PRKCZ: variants seen among roughly 807,000 people sequenced by gnomAD.
PRKCZ encodes the protein protein kinase C zeta type.
In PRKCZ, 33 loss-of-function variants were observed where a neutral mutation model predicts 79.5. The observed-to-expected ratio is 0.41, with a 90% confidence interval of 0.31 to 0.55. PRKCZ has a LOEUF of 0.55. PRKCZ is among the 20% of genes least tolerant of loss of function. The probability of loss-of-function intolerance (pLI) is 0.19; values close to 1 mark genes in which losing one functional copy is unlikely to be tolerated. For synonymous variants in PRKCZ, 342 were observed against 320.9 expected (o/e 1.07, Z -0.70); for missense variants, 578 against 813.5 (o/e 0.71, Z 3.52).
At chr1:2,067,010 C>T (rs1661175227) in intron 4 of PRKCZ, among the ~76,000 whole-genome samples, 1 of 152,150 alleles carries the variant, frequency 6.6e-6, no homozygotes, top group Non-Finnish European at 1.5e-5. Flanking sequence ...TTCTGATTTT[C>T]TTTGTGGTTT....
intron 4 of PRKCZ, among the ~76,000 whole-genome samples, chr1:2,103,019 A>G (rs1397075136): frequency 1.3e-5 from 2 of 152,224 alleles, no homozygotes; most frequent in Admixed American, 1.3e-4. Flanking sequence ...TCAGGCGCGC[A>G]CCACCACGCT....
At chr1:2,137,190 G>A (rs2103045517) in intron 5 of PRKCZ, among the ~76,000 whole-genome samples, 1 of 152,266 alleles carries the variant, frequency 6.6e-6, no homozygotes, top group South Asian at 2.1e-4. Context: ...ATGTCCCAGG[G>A]TAGGACGAGT....
At chr1:2,164,514 G>A (rs1682951001) in intron 10 of PRKCZ, among the ~76,000 whole-genome samples, 1 of 152,166 alleles carries the variant, frequency 6.6e-6, no homozygotes, top group Non-Finnish European at 1.5e-5. Flanking sequence ...GTGTCTGGAT[G>A]GGCCAGCTCG....
At chr1:2,119,703 GAC>G (rs1319827364) in intron 4 of PRKCZ, among the ~76,000 whole-genome samples, 1 of 152,136 alleles carries the variant, frequency 6.6e-6, no homozygotes, top group Non-Finnish European at 1.5e-5. Flanking sequence ...CTTACATGGA[GAC>G]CAGCTTCCTT....
chr1:2,110,882 C>T (rs1669608903), intron 4 of PRKCZ, among the ~76,000 whole-genome samples: 1 of 152,032 alleles, frequency 6.6e-6, no homozygotes, highest in Non-Finnish European at 1.5e-5. Context: ...CAGGGTGGGG[C>T]TGGTGGACGG....
intron 4 of PRKCZ, among the ~76,000 whole-genome samples, chr1:2,085,736 C>A (rs1173445815): frequency 7.0e-6 from 1 of 143,800 alleles, no homozygotes; most frequent in African/African-American, 2.6e-5. Context: ...CGTGAGGCAC[C>A]GTGCTGGAGG....
chr1:2,054,138 G>A (rs1367800448), intron 1 of PRKCZ, among the ~76,000 whole-genome samples: 1 of 152,186 alleles, frequency 6.6e-6, no homozygotes, highest in Non-Finnish European at 1.5e-5. Flanking sequence ...CTTGAAACTT[G>A]TCTGATGAAT....
intron 5 of PRKCZ, among the ~76,000 whole-genome samples, chr1:2,139,507 T>C (rs1207228179): frequency 1.3e-5 from 2 of 152,054 alleles, no homozygotes; most frequent in Non-Finnish European, 2.9e-5. Context: ...GAGAATTGCT[T>C]GAACCCGGGA....
At position 2,143,951 on chromosome 1, in the gene PRKCZ, C is replaced by T. The variant is rs551132886; in HGVS notation, c.421-259C>T. 17 of 436,150 alleles carry T rather than the reference C, an allele frequency of 3.9e-5. No individual in the cohort carries two copies. In the South Asian group the frequency reaches 5.2e-4, roughly 13 times the overall value. 27.0% of individuals were successfully genotyped at this position (436,150 alleles called of 1,614,324 possible). A position where few individuals can be genotyped will look rare whatever the true frequency, so the allele number is the denominator to read the frequency against. Reference sequence around the variant, plus strand: ...ACCTCGTCACCCCTGCCCGATGGCACCTCCCCTGTGTCCCCTCATGCAGAG... The same window carrying T: ...ACCTCGTCACCCCTGCCCGATGGCATCTCCCCTGTGTCCCCTCATGCAGAG... On this transcript the variant is annotated intron_variant, in intron 5 of 17. Coordinates refer to ENST00000378567, the MANE Select transcript of PRKCZ (RefSeq NM_002744.6).
At chr1:2,129,264 G>A (rs537337006) in intron 4 of PRKCZ, among the ~76,000 whole-genome samples, 2 of 152,310 alleles carry the variant, frequency 1.3e-5, no homozygotes, top group South Asian at 4.1e-4. Context: ...TTCAAGGCAG[G>A]TGCTCCTTTG....
chr1:2,157,714 T>TG (rs1268534887), intron 10 of PRKCZ, among the ~76,000 whole-genome samples: 3 of 144,120 alleles, frequency 2.1e-5, no homozygotes, highest in East Asian at 4.0e-4. Flanking sequence ...CCTCCAGAGT[T>TG]TTTTTTTTTT....
intron 5 of PRKCZ, among the ~76,000 whole-genome samples, chr1:2,136,921 G>T (rs1392959533): frequency 6.6e-6 from 1 of 152,180 alleles, no homozygotes. Context: ...TTCTCCAGAG[G>T]GATGGTACCA....
chr1:2,172,225 G>A lies in PRKCZ; in HGVS notation c.1197+35G>A, dbSNP rs754868471. 18 of 1,613,330 alleles carry A rather than the reference G, an allele frequency of 1.1e-5. No individual in the cohort carries two copies. The East Asian group carries it at 1.8e-4, about 16-fold the overall frequency. On this transcript the variant is annotated intron_variant, in intron 12 of 17. Coordinates refer to ENST00000378567, the MANE Select transcript of PRKCZ (RefSeq NM_002744.6). This position sits in a 1 kb window ranked among gnomAD's most constrained non-coding sequence, Gnocchi z 7.8. ...TTGGACCGCCTCCCCTGACCATCCC[G>A]CATGTGCGTCTCGGGGCGCCTGTCC...
intron 5 of PRKCZ, 89 bp downstream of exon 5, chr1:2,135,436 GC>G: frequency 7.9e-7 from 1 of 1,258,230 alleles, no homozygotes; most frequent in Non-Finnish European, 1.1e-6. Context: ...GTCCCGCTGA[GC>G]CCAGGCTGGG....
chr1:2,144,165 G>GCC, intron 5 of PRKCZ, 45 bp from the exon 6 acceptor site: 1 of 1,543,600 alleles, frequency 6.5e-7, no homozygotes, highest in South Asian at 1.2e-5. Context: ...CTCTCCGCTG[G>GCC]CCCCTCAGTG....
chr1:2,066,286 C>G (rs561924656), intron 4 of PRKCZ, among the ~76,000 whole-genome samples: 1 of 152,140 alleles, frequency 6.6e-6, no homozygotes, highest in Non-Finnish European at 1.5e-5. Context: ...GTTAGTTCTT[C>G]AAGTGTTTGG....
In PRKCZ at chr1:2,058,306, A is replaced by ATTTTT. The variant is rs35722361; in HGVS notation, c.284-1216_284-1212dup. On this transcript the variant is annotated intron_variant, in intron 3 of 17. Transcript: ENST00000378567. ...GCGTGAGCCACGGTGCCCGGCCCCA[A>ATTTTT]TTTTTTTTTTTTTTTTTTTTTTTGA... Among the ~76,000 whole-genome samples, 249 of 125,332 alleles carry ATTTTT rather than the reference A, an allele frequency of 2.0e-3. 3 individuals are homozygous for ATTTTT. The highest frequency in any genetic ancestry group is 7.1e-3 in the African/African-American group (222 of 31,416). The allele number at this position is 125,332 out of a possible 152,430, so 82.2% of individuals were successfully genotyped here.
chr1:2,169,627 G>C lies in PRKCZ; in HGVS notation c.1061+23G>C, dbSNP rs374560522. On this transcript the variant is annotated intron_variant, in intron 11 of 17. Transcript: ENST00000378567. Reference sequence around the variant, plus strand: ...CAGGTGGGTGCGCGTGGACGGGGCCGGGTGGGTGCGCCCGGAGTTGGGGAT... The same window carrying C: ...CAGGTGGGTGCGCGTGGACGGGGCCCGGTGGGTGCGCCCGGAGTTGGGGAT... 4 of 1,470,046 alleles carry C rather than the reference G, an allele frequency of 2.7e-6. No homozygotes were observed. The African/African-American group carries it at 5.7e-5, about 21-fold the overall frequency. 91.1% of individuals were successfully genotyped at this position (1,470,046 alleles called of 1,614,324 possible).
chr1:2,142,483 C>T, intron 5 of PRKCZ: 2 of 280,544 alleles, frequency 7.1e-6, no homozygotes, highest in Non-Finnish European at 1.4e-5. Context: ...ATCCAGGGTC[C>T]ACACATCCAG....
Sources: gnomAD v4.1 joint callset for allele counts (sites outside exome capture counted in the v4.1 genomes callset) on GRCh38, gnomAD v4.1.1 for gene constraint, Gnocchi (gnomAD v3.1) non-coding constraint, MANE v1.5 for transcripts, NCBI Gene and HGNC (gene_info 2026-07-23, HGNC 2026-07-21) for gene names.